The following AP1B1 variants were observed in gnomAD, a reference collection of about 807,000 sequenced individuals.
AP1B1 encodes the protein AP-1 complex subunit beta-1.
In AP1B1, 36 loss-of-function variants were observed where a neutral mutation model predicts 104.3. The ratio of observed to expected loss-of-function variants is 0.35; its 90% CI spans 0.26 to 0.46. AP1B1 has a LOEUF of 0.46. AP1B1 is among the 20% of genes least tolerant of loss of function. The probability of loss-of-function intolerance (pLI) is 1.00; values close to 1 mark genes in which losing one functional copy is unlikely to be tolerated. For synonymous variants in AP1B1, 504 were observed against 517.5 expected (o/e 0.97, Z 0.35); for missense variants, 901 against 1,247.9 (o/e 0.72, Z 4.19).
Position 29,351,780 on chromosome 22 carries a change from G to A in AP1B1, c.984C>T (p.Tyr328=). The change falls in exon 8 of 23, where the codon TAC becomes TAT. Residue 328 remains tyrosine (Y), a synonymous_variant. Coordinates refer to ENST00000357586, the MANE Select transcript of AP1B1 (RefSeq NM_001127.4). ...CCAGCTTCACGTAGATAGGGTCGTTGTACTTCACGAAGAACACCTTCATCT... is the reference window on the plus strand; with the variant it reads ...CCAGCTTCACGTAGATAGGGTCGTTATACTTCACGAAGAACACCTTCATCT... ...KHEMKVFFVK[Y]NDPIYVKLEK... 6.2e-7 allele frequency: 1 copy of A among 1,614,210 alleles called. No homozygotes were observed. The highest frequency in any genetic ancestry group is 8.5e-7 in the Non-Finnish European group (1 of 1,180,034).
At chr22:29,371,858 G>A (rs1390253377) in intron 1 of AP1B1, among the ~76,000 whole-genome samples, 1 of 152,214 alleles carries the variant, frequency 6.6e-6, no homozygotes, top group African/African-American at 2.4e-5. Context: ...GCTCTGGCCA[G>A]TATAATGAGT....
intron 5 of AP1B1, among the ~76,000 whole-genome samples, chr22:29,357,692 T>TA (rs2061981917): frequency 6.7e-6 from 1 of 149,238 alleles, no homozygotes; most frequent in Non-Finnish European, 1.5e-5. Flanking sequence ...GCAGCTGTTT[T>TA]TTTTTTTTTT....
intron 9 of AP1B1, 44 bp downstream of exon 9, chr22:29,351,127 C>T (rs2061867495): frequency 6.4e-7 from 1 of 1,558,772 alleles, no homozygotes; most frequent in Non-Finnish European, 8.8e-7. Context: ...CGGTTTCAGC[C>T]CCCTTTTCCT....
At chr22:29,346,794 T>TGG (rs112494263) in intron 11 of AP1B1, among the ~76,000 whole-genome samples, 3,907 of 147,384 alleles carry the variant, frequency 0.027, 143 homozygotes, top group African/African-American at 0.093. Context: ...CAGGTGGCAG[T>TGG]GGGGGGGGGT....
chr22:29,329,015 CG>C, intron 22 of AP1B1, 120 bp from the exon 23 acceptor site: 1 of 1,485,364 alleles, frequency 6.7e-7, no homozygotes, highest in Non-Finnish European at 8.9e-7. Flanking sequence ...CACAGCCTGG[CG>C]GCAGCTGCGC....
chr22:29,369,621 A>G (rs1386070115), intron 1 of AP1B1, among the ~76,000 whole-genome samples: 1 of 152,194 alleles, frequency 6.6e-6, no homozygotes, highest in African/African-American at 2.4e-5. Context: ...TCCACAAAGG[A>G]AGGCCCCGCA....
At position 29,374,230 on chromosome 22, in the gene AP1B1, C is replaced by T. The variant is rs531884258; in HGVS notation, c.-27-6960G>A. Among the ~76,000 whole-genome samples, 31 of 151,618 alleles carry T rather than the reference C, an allele frequency of 2.0e-4. No homozygotes were observed. In the South Asian group the frequency reaches 5.8e-3, roughly 29 times the overall value. The stretch of plus-strand genomic sequence containing the variant: ...AAAAATTTTGTTTTTAAAAAAATAA[C>T]AAAATAAAACTCAAATCTGGAGAAG... On this transcript the variant is annotated intron_variant, in intron 1 of 22. Coordinates refer to ENST00000357586, the MANE Select transcript of AP1B1 (RefSeq NM_001127.4).
At chr22:29,376,621 A>G (rs1217907184) in intron 1 of AP1B1, among the ~76,000 whole-genome samples, 1 of 151,680 alleles carries the variant, frequency 6.6e-6, no homozygotes, top group Non-Finnish European at 1.5e-5. Flanking sequence ...AGAACCTGTT[A>G]GCTCATGGAC....
chr22:29,386,788 T>A (rs1396107033), intron 1 of AP1B1, among the ~76,000 whole-genome samples: 1 of 152,348 alleles, frequency 6.6e-6, no homozygotes, highest in East Asian at 1.9e-4. Context: ...CATGTTGATG[T>A]CAGGGAAACT....
At chr22:29,367,526 C>T (rs1180531410) in intron 1 of AP1B1, among the ~76,000 whole-genome samples, 1 of 150,362 alleles carries the variant, frequency 6.7e-6, no homozygotes, top group African/African-American at 2.5e-5. Context: ...TCTCAAACTC[C>T]TGGGCTCAGC....
chr22:29,340,250 C>A (rs1312223574), intron 14 of AP1B1, among the ~76,000 whole-genome samples: 1 of 152,240 alleles, frequency 6.6e-6, no homozygotes, highest in Non-Finnish European at 1.5e-5. Flanking sequence ...GGCTGCTATT[C>A]CCAGCTGGCG....
rs181224277 is a variant in AP1B1, at chr22:29,349,440, G to A, written c.1272-57C>T. On this transcript the variant is annotated intron_variant, in intron 10 of 22. Coordinates refer to ENST00000357586, the MANE Select transcript of AP1B1 (RefSeq NM_001127.4). ...CCCTCAAGGAGAACGGGAAACCCAGGGAAGCCAGACAGGGGCCAGGAGGGA... is the reference window on the plus strand; with the variant it reads ...CCCTCAAGGAGAACGGGAAACCCAGAGAAGCCAGACAGGGGCCAGGAGGGA... 5.0e-6 allele frequency: 8 copies of A among 1,591,436 alleles called. No homozygotes were observed. In the East Asian group the frequency reaches 1.6e-4, roughly 31 times the overall value.
chr22:29,376,696 C>T (rs2062348170), intron 1 of AP1B1, among the ~76,000 whole-genome samples: 1 of 152,104 alleles, frequency 6.6e-6, no homozygotes, highest in Non-Finnish European at 1.5e-5. Flanking sequence ...GTTTCTTCTT[C>T]ATTTGGAGCA....
Position 29,363,535 on chromosome 22 carries a change from C to T in AP1B1, c.38-429G>A, listed in dbSNP as rs550127143. On this transcript the variant is annotated intron_variant, in intron 2 of 22. Transcript: ENST00000357586. ...TAGTGGCGCGTGCCTGTAATCCCAGCTACTCGGGAGGCTGAGGCAGGGGAA... is the reference window on the plus strand; with the variant it reads ...TAGTGGCGCGTGCCTGTAATCCCAGTTACTCGGGAGGCTGAGGCAGGGGAA... 6.6e-5 allele frequency among the ~76,000 whole-genome samples: 10 copies of T among 152,196 alleles called. No homozygotes were observed. The South Asian group carries it at 2.1e-3, about 32-fold the overall frequency.
At chr22:29,371,068 T>TAACAA (rs988646316) in intron 1 of AP1B1, among the ~76,000 whole-genome samples, 1 of 152,044 alleles carries the variant, frequency 6.6e-6, no homozygotes, top group African/African-American at 2.4e-5. Context: ...AAAACACAGA[T>TAACAA]AACAAAACAA....
At chr22:29,377,111 G>A (rs2283851) in intron 1 of AP1B1, among the ~76,000 whole-genome samples, 17,264 of 148,480 alleles carry the variant, frequency 0.12, 1,456 homozygotes, top group East Asian at 0.38. Flanking sequence ...TGGAAGAATC[G>A]CTTGAACCTG....
chr22:29,340,940 C>A, intron 13 of AP1B1, 83 bp from the exon 14 acceptor site: 2 of 1,400,176 alleles, frequency 1.4e-6, no homozygotes, highest in Non-Finnish European at 1.9e-6. Context: ...CAGAGCTGTC[C>A]CCCAGGACAG....
In AP1B1 at chr22:29,342,378, C is replaced by G. The variant is rs1323614109; in HGVS notation, c.1443G>C (p.Gln481His). Reference protein sequence around the residue: ...EGFHDESTQVQLQLLTAIVKL... With the variant: ...EGFHDESTQVHLQLLTAIVKL... ...TCACAATGGCTGTCAGCAGCTGCAG[C>G]TGGACCTGCAGGGAACAGCGGTGAC... Residue 481 changes from glutamine (Q) to histidine (H), a missense_variant, in exon 12 of 23, where the codon CAG becomes CAC. Around this residue, in one of 3 missense-constraint regions of AP1B1, gnomAD observed 471 missense variants for 696.7 expected, o/e 0.68. Coordinates refer to ENST00000357586, the MANE Select transcript of AP1B1 (RefSeq NM_001127.4). The G allele has an allele frequency of 3.1e-6, 5 of 1,613,790 alleles. No homozygotes were observed. The highest frequency in any genetic ancestry group is 4.2e-6 in the Non-Finnish European group (5 of 1,179,908).
intron 3 of AP1B1, among the ~76,000 whole-genome samples, chr22:29,362,487 C>T (rs1024748672): frequency 2.0e-5 from 3 of 152,086 alleles, no homozygotes; most frequent in Non-Finnish European, 4.4e-5. Flanking sequence ...GCTGAGACTA[C>T]AGGCATGCGC....
Sources: allele counts gnomAD v4.1 joint callset (sites outside exome capture counted in the v4.1 genomes callset), GRCh38; gene constraint gnomAD v4.1.1; regional missense constraint gnomAD v4.1.1; transcripts MANE v1.5; gene names NCBI Gene and HGNC (gene_info 2026-07-23, HGNC 2026-07-21).